Variants in ME1 observed in about 807,000 individuals in gnomAD.
The protein encoded by ME1 is malic enzyme 1, also known as NADP-dependent malic enzyme.
In ME1, 74 loss-of-function variants were observed where a neutral mutation model predicts 66.4. The ratio of observed to expected loss-of-function variants is 1.11; its 90% confidence interval spans 0.92 to 1.35. The LOEUF (loss-of-function observed/expected upper bound fraction) is 1.35. Ranked by LOEUF, ME1 falls within the 40% of genes most tolerant of loss-of-function variation. The pLI, the probability that ME1 is intolerant of heterozygous loss-of-function variation, is 0.00. For missense variants in ME1, 750 were observed against 694.1 expected, an observed-to-expected ratio of 1.08 and a Z score of -0.90; for synonymous variants, 251 against 235.6, an observed-to-expected ratio of 1.07 and a Z score of -0.60.
At chr6:83,309,239 G>A (rs1317584003) in intron 6 of ME1, among the ~76,000 whole-genome samples, 1 of 151,466 alleles carries the variant, frequency 6.6e-6, no homozygotes, top group Non-Finnish European at 1.5e-5. Flanking sequence ...AATAAAGGAG[G>A]AAGCAGTGAA....
intron 6 of ME1, among the ~76,000 whole-genome samples, chr6:83,255,104 A>G (rs1562461029): frequency 6.6e-6 from 1 of 152,068 alleles, no homozygotes; most frequent in Non-Finnish European, 1.5e-5. Flanking sequence ...TATCTTGGGT[A>G]GACTATCTTT....
intron 9 of ME1, among the ~76,000 whole-genome samples, chr6:83,231,439 G>C (rs1196242805): frequency 6.6e-6 from 1 of 152,068 alleles, no homozygotes; most frequent in Non-Finnish European, 1.5e-5. Context: ...CAATACTGAA[G>C]GTCTTACTTG....
chr6:83,382,637 A>T (rs1379858118), intron 3 of ME1, among the ~76,000 whole-genome samples: 1 of 152,068 alleles, frequency 6.6e-6, no homozygotes, highest in Non-Finnish European at 1.5e-5. Flanking sequence ...TGAGAAAATA[A>T]TCTTAATTAA....
intron 12 of ME1, among the ~76,000 whole-genome samples, chr6:83,219,418 T>C (rs1041317070): frequency 6.6e-6 from 1 of 152,188 alleles, no homozygotes; most frequent in Non-Finnish European, 1.5e-5. Context: ...TACTGTCTGT[T>C]TTGTATTTGG....
intron 13 of ME1, among the ~76,000 whole-genome samples, chr6:83,214,437 A>ACTG (rs1378598546): frequency 6.6e-6 from 1 of 152,160 alleles, no homozygotes; most frequent in Non-Finnish European, 1.5e-5. Flanking sequence ...ACCAAATAAA[A>ACTG]GTCTGCATCT....
At chr6:83,344,029 T>C (rs1188512719) in intron 5 of ME1, among the ~76,000 whole-genome samples, 2 of 151,796 alleles carry the variant, frequency 1.3e-5, no homozygotes, top group Non-Finnish European at 2.9e-5. Flanking sequence ...AACTTCACTG[T>C]TATCCCAGTG....
chr6:83,378,007 T>G (rs1047375645), intron 3 of ME1, among the ~76,000 whole-genome samples: 4 of 151,956 alleles, frequency 2.6e-5, no homozygotes, highest in Non-Finnish European at 4.4e-5. Flanking sequence ...TTTACTCTGT[T>G]TTCTCTGAGC....
At chr6:83,321,034 C>T (rs1768161852) in intron 5 of ME1, among the ~76,000 whole-genome samples, 1 of 152,114 alleles carries the variant, frequency 6.6e-6, no homozygotes, top group Non-Finnish European at 1.5e-5. Context: ...CATCGCTGCA[C>T]CCAGGAAGCG....
At chr6:83,323,725 C>A (rs116508282) in intron 5 of ME1, among the ~76,000 whole-genome samples, 4,187 of 152,158 alleles carry the variant, frequency 0.028, 203 homozygotes, top group African/African-American at 0.092. Context: ...TAGACTCCCA[C>A]AAAATAATAG....
At chr6:83,257,625 A>G (rs149049832) in intron 6 of ME1, among the ~76,000 whole-genome samples, 5 of 152,316 alleles carry the variant, frequency 3.3e-5, no homozygotes, top group Non-Finnish European at 7.4e-5. Flanking sequence ...CCAAGGAAAC[A>G]CTTTAGCTAG....
chr6:83,392,806 T>C (rs939917524), intron 3 of ME1: 1 of 723,612 alleles, frequency 1.4e-6, no homozygotes, highest in Non-Finnish European at 2.5e-6. Context: ...TGCCCCCATG[T>C]TCGTGATGGG....
intron 9 of ME1, among the ~76,000 whole-genome samples, chr6:83,237,227 A>AAAAGAAAAGAAAGAAAG (rs1790416569): frequency 1.4e-5 from 1 of 68,978 alleles, no homozygotes; most frequent in African/African-American, 5.5e-5. Flanking sequence ...ACAGAGAGAG[A>AAAAGAAAAGAAAGAAAG]AAAGAAAGAA....
intron 7 of ME1, among the ~76,000 whole-genome samples, chr6:83,245,142 T>C (rs951879757): frequency 4.0e-5 from 6 of 151,380 alleles, no homozygotes; most frequent in South Asian, 4.2e-4. Context: ...GGGGTGAGGA[T>C]GGAGATGGGG....
chr6:83,221,827 A>T (rs927248356), intron 12 of ME1, among the ~76,000 whole-genome samples: 2 of 152,222 alleles, frequency 1.3e-5, no homozygotes, highest in African/African-American at 4.8e-5. Context: ...GATGAAAAGG[A>T]GACAAGGAAA....
At position 83,292,389 on chromosome 6, in the gene ME1, T is replaced by TA. The variant is rs201636809; in HGVS notation, c.704+22920dup. 6.6e-3 allele frequency among the ~76,000 whole-genome samples: 1,001 copies of TA among 152,340 alleles called. 11 individuals carry two copies. Among genetic ancestry groups the TA allele is most frequent in the African/African-American group, 0.023 (949 of 41,572 alleles). Reference sequence around the variant, plus strand: ...AACAGACAGGCCCCTCAGCTGCAGTTACTTCGCAGTTTGCTGGAGGTCCCC... The same window carrying TA: ...AACAGACAGGCCCCTCAGCTGCAGTTAACTTCGCAGTTTGCTGGAGGTCCCC... On this transcript the variant is annotated intron_variant, in intron 6 of 13. Coordinates refer to ENST00000369705, the MANE Select transcript of ME1 (RefSeq NM_002395.6).
intron 6 of ME1, among the ~76,000 whole-genome samples, chr6:83,265,761 C>T (rs1766977544): frequency 6.6e-6 from 1 of 152,162 alleles, no homozygotes; most frequent in Non-Finnish European, 1.5e-5. Context: ...TGCACACTTT[C>T]AGACCATATA....
chr6:83,412,382 CTGTT>C (rs1023627677), intron 1 of ME1, among the ~76,000 whole-genome samples: 1 of 152,100 alleles, frequency 6.6e-6, no homozygotes, highest in Non-Finnish European at 1.5e-5. Context: ...TTTGTGTGTT[CTGTT>C]TAACTAGTGT....
chr6:83,329,155 G>T (rs989318464), intron 5 of ME1, among the ~76,000 whole-genome samples: 1 of 151,972 alleles, frequency 6.6e-6, no homozygotes, highest in African/African-American at 2.4e-5. Context: ...CATCACAAAA[G>T]CAATATTTGT....
chr6:83,283,241 A>G lies in ME1; in HGVS notation c.705-29503T>C, dbSNP rs1767338052. On this transcript the variant is annotated intron_variant, in intron 6 of 13. Transcript: ENST00000369705. ...AGACTCCGTCTCAAAAAAAAAAAAA[A>G]AAAAAAATGATGAGTTCATGTCCTT... Among the ~76,000 whole-genome samples the G allele has an allele frequency of 1.4e-5, 2 of 143,304 alleles. 1 individual carries two copies. Among genetic ancestry groups the G allele is most frequent in the Non-Finnish European group, 3.0e-5 (2 of 66,188 alleles). 94.0% of individuals were successfully genotyped at this position (143,304 alleles called of 152,430 possible). A position where few individuals can be genotyped will look rare whatever the true frequency, so the allele number is the denominator to read the frequency against.
Sources: allele counts gnomAD v4.1 joint callset (sites outside exome capture counted in the v4.1 genomes callset), GRCh38; gene constraint gnomAD v4.1.1; transcripts MANE v1.5; gene names NCBI Gene and HGNC (gene_info 2026-07-23, HGNC 2026-07-21).